Variants in TANC2 observed in about 807,000 individuals in gnomAD.
The protein encoded by TANC2 is protein TANC2.
In TANC2, 26 loss-of-function variants were observed where a neutral mutation model predicts 210.5. The ratio of observed to expected loss-of-function variants is 0.12; its 90% confidence interval spans 0.09 to 0.17. The LOEUF is 0.17. Ranked by LOEUF, TANC2 falls within the 10% of genes least tolerant of loss-of-function variation. The pLI is 1.00. For synonymous variants in TANC2, 931 were observed against 967.1 expected, an observed-to-expected ratio of 0.96 and a Z score of 0.69; for missense variants, 2,129 against 2,608.9, an observed-to-expected ratio of 0.82 and a Z score of 4.01.
At chr17:63,389,606 T>G (rs1385639605) in intron 17 of TANC2, 62 bp downstream of exon 17, 10 of 1,425,892 alleles carry the variant, frequency 7.0e-6, no homozygotes, top group African/African-American at 1.4e-5. Context: ...TGCATACTCT[T>G]TCTTATCTCC....
chr17:63,146,976 CA>C (rs1204775262), intron 4 of TANC2, among the ~76,000 whole-genome samples: 1 of 151,906 alleles, frequency 6.6e-6, no homozygotes, highest in Non-Finnish European at 1.5e-5. Flanking sequence ...CTTTAAAAAA[CA>C]GCAACAACAA....
chr17:63,328,079 G>T (rs2045708623), intron 11 of TANC2, among the ~76,000 whole-genome samples: 1 of 152,126 alleles, frequency 6.6e-6, no homozygotes, highest in Non-Finnish European at 1.5e-5. Flanking sequence ...TTAGCAAATT[G>T]ATACAGGAAC....
intron 3 of TANC2, among the ~76,000 whole-genome samples, chr17:63,093,253 T>A (rs75580397): frequency 6.6e-6 from 1 of 151,876 alleles, no homozygotes; most frequent in African/African-American, 2.4e-5. Context: ...TTTTTTTTTT[T>A]AACATTTTCA....
At chr17:63,376,205 G>A (rs894948451) in intron 14 of TANC2, among the ~76,000 whole-genome samples, 13 of 151,826 alleles carry the variant, frequency 8.6e-5, no homozygotes, top group Non-Finnish European at 1.8e-4. Context: ...AGGCCAAGGC[G>A]GGTGGATCAT....
intron 11 of TANC2, 32 bp from the exon 12 acceptor site, chr17:63,340,069 A>G: frequency 6.6e-7 from 1 of 1,526,200 alleles, no homozygotes; most frequent in Middle Eastern, 1.7e-4. Context: ...ACTACTGATA[A>G]GCCTGTTTGC....
At position 62,981,466 on chromosome 17, in the gene TANC2, C is replaced by T. The variant is rs1286470236; in HGVS notation, c.-24+14717C>T. On this transcript the variant is annotated intron_variant, in intron 1 of 27. Coordinates refer to ENST00000689528, the Ensembl canonical transcript of TANC2. ...TCAGACCACTAGACCTATTATTCCCCATTTGCAGCTTTCACATTATTCTCC... is the reference window on the plus strand; with the variant it reads ...TCAGACCACTAGACCTATTATTCCCTATTTGCAGCTTTCACATTATTCTCC... 1.3e-5 allele frequency among the ~76,000 whole-genome samples: 2 copies of T among 152,154 alleles called. 1 individual carries two copies. The highest frequency in any genetic ancestry group is 2.9e-5 in the Non-Finnish European group (2 of 68,020).
rs1374620623 is a variant in TANC2, at chr17:63,420,005, C to T, written c.4275C>T (p.Phe1425=). 5.2e-6 allele frequency: 8 copies of T among 1,539,164 alleles called. No homozygotes were observed. The highest frequency in any genetic ancestry group is 7.0e-6 in the Non-Finnish European group (8 of 1,138,672). ...TTCACATTTTGTCAAGCAGACAGTT[C>T]GCAGCAGCCTTAGAGGACCTGAACG... Residue 1425 remains phenylalanine, a synonymous_variant, in exon 28 of 28, where the codon TTC becomes TTT. Coordinates refer to ENST00000689528, the Ensembl canonical transcript of TANC2. The surrounding 1 kb of genome is among the most constrained non-coding windows in gnomAD (Gnocchi z 4.2).
At chr17:63,200,605 T>A (rs2041500406) in intron 6 of TANC2, among the ~76,000 whole-genome samples, 166 bp from the exon 7 acceptor site, 1 of 152,076 alleles carries the variant, frequency 6.6e-6, no homozygotes, top group Non-Finnish European at 1.5e-5. Context: ...CACATTAATT[T>A]GTAGACCCCA....
At chr17:63,018,265 C>T (rs558857139) in intron 2 of TANC2, among the ~76,000 whole-genome samples, 6 of 152,034 alleles carry the variant, frequency 3.9e-5, no homozygotes, top group Non-Finnish European at 7.4e-5. Context: ...CTGATGTCGG[C>T]GGGTCACCGG....
intron 8 of TANC2, among the ~76,000 whole-genome samples, chr17:63,239,746 T>C (rs1312530461): frequency 6.6e-6 from 1 of 152,180 alleles, no homozygotes; most frequent in African/African-American, 2.4e-5. Context: ...AAGAAATACC[T>C]GAAACTAAGT....
At chr17:63,339,743 A>ATG (rs2046164104) in intron 11 of TANC2, among the ~76,000 whole-genome samples, 1 of 151,968 alleles carries the variant, frequency 6.6e-6, no homozygotes, top group African/African-American at 2.4e-5. Flanking sequence ...TATTTCCTAT[A>ATG]CTGCTCCATG....
At position 63,418,158 on chromosome 17, in the gene TANC2, A is replaced by C. The variant is rs2048922012; in HGVS notation, c.4168-149A>C. 1 of 757,816 alleles carries C rather than the reference A, an allele frequency of 1.3e-6. No individual in the cohort carries two copies. Among genetic ancestry groups the C allele is most frequent in the Non-Finnish European group, 2.1e-6 (1 of 467,326 alleles). 46.9% of individuals were successfully genotyped at this position (757,816 alleles called of 1,614,324 possible). The stretch of plus-strand genomic sequence containing the variant: ...AGAAGGAACTTTCAGTCCACAGGCC[A>C]CGCGGCTTGAGCCATGTCAGGCACG... On this transcript the variant is annotated intron_variant, in intron 26 of 27. Transcript: ENST00000689528. The surrounding 1 kb of genome is among the most constrained non-coding windows in gnomAD (Gnocchi z 4.6).
chr17:63,241,257 C>G (rs2042765600), intron 8 of TANC2, among the ~76,000 whole-genome samples: 1 of 152,048 alleles, frequency 6.6e-6, no homozygotes, highest in Non-Finnish European at 1.5e-5. Context: ...TCTTTTCTTC[C>G]AAAATTATAA....
At chr17:63,009,225 C>A (rs377433061) in intron 1 of TANC2, among the ~76,000 whole-genome samples, 2 of 150,992 alleles carry the variant, frequency 1.3e-5, no homozygotes, top group East Asian at 1.9e-4. Context: ...ATTTTAAATT[C>A]TTAGTATTTT....
At chr17:62,970,844 A>T (rs1411653474) in intron 1 of TANC2, among the ~76,000 whole-genome samples, 1 of 152,202 alleles carries the variant, frequency 6.6e-6, no homozygotes, top group African/African-American at 2.4e-5. Flanking sequence ...TAATTCAGGG[A>T]GCTAGAACAA....
At position 63,082,907 on chromosome 17, in the gene TANC2, A is replaced by G. The variant is rs543722520; in HGVS notation, c.139+8893A>G. ...TCTTTGTCAGGTATTCACATGGGGC[A>G]TAGATTACTTCATGTGTGTTCCCTT... On this transcript the variant is annotated intron_variant, in intron 3 of 27. Coordinates refer to ENST00000689528, the Ensembl canonical transcript of TANC2. Among the ~76,000 whole-genome samples, 11 of 152,320 alleles carry G rather than the reference A, an allele frequency of 7.2e-5. 1 individual carries two copies. The highest frequency in any genetic ancestry group is 2.4e-4 in the African/African-American group (10 of 41,572).
At chr17:63,287,996 C>G (rs977199032) in intron 9 of TANC2, among the ~76,000 whole-genome samples, 4 of 152,136 alleles carry the variant, frequency 2.6e-5, no homozygotes, top group African/African-American at 9.7e-5. Context: ...GTAAATTTTT[C>G]CATTCTGGCT....
In TANC2 at chr17:63,318,692, T is replaced by C. The variant is rs1430545527; in HGVS notation, c.1442-265T>C. Reference sequence around the variant, plus strand: ...TGTATCGGTATCTCATTTCTTTTTATTGTTAGTAGTCTATTGAATGGATAT... The same window carrying C: ...TGTATCGGTATCTCATTTCTTTTTACTGTTAGTAGTCTATTGAATGGATAT... On this transcript the variant is annotated intron_variant, in intron 10 of 27. Transcript: ENST00000689528. Among the ~76,000 whole-genome samples the C allele has an allele frequency of 2.0e-5, 3 of 152,358 alleles. No individual in the cohort carries two copies. In the East Asian group the frequency reaches 5.8e-4, roughly 29 times the overall value.
chr17:63,194,126 A>G lies in TANC2; in HGVS notation c.569A>G (p.Gln190Arg), dbSNP rs1319198280. The stretch of plus-strand genomic sequence containing the variant: ...GGTGACCAATACAGCATGGAAGTAC[A>G]GGATGAAAATCAGGTAAGCTGTTTG... Residue 190 changes from glutamine (Q) to arginine (R), a missense_variant, in exon 6 of 28, where the codon CAG becomes CGG. By Grantham distance (43) the Gln-to-Arg change is conservative. Coordinates refer to ENST00000689528, the Ensembl canonical transcript of TANC2. The G allele has an allele frequency of 1.2e-6, 2 of 1,612,826 alleles. No individual in the cohort carries two copies. Among genetic ancestry groups the G allele is most frequent in the Non-Finnish European group, 1.7e-6 (2 of 1,179,386 alleles).
Sources: allele counts gnomAD v4.1 joint callset (sites outside exome capture counted in the v4.1 genomes callset), GRCh38; gene constraint gnomAD v4.1.1; non-coding constraint Gnocchi (gnomAD v3.1); transcripts MANE v1.5; gene names NCBI Gene and HGNC (gene_info 2026-07-23, HGNC 2026-07-21).